SLC8A1: variants seen among roughly 807,000 people sequenced by gnomAD.
SLC8A1 encodes the protein sodium/calcium exchanger 1.
In SLC8A1, 18 loss-of-function variants were observed where a neutral mutation model predicts 68.3. The ratio of observed to expected loss-of-function variants is 0.26; its 90% CI spans 0.18 to 0.39. The LOEUF (loss-of-function observed/expected upper bound fraction) is 0.39. SLC8A1 is among the 10% of genes least tolerant of loss of function. SLC8A1 has a pLI of 1.00. For synonymous variants in SLC8A1, 475 were observed against 415.5 expected (o/e 1.14, Z -1.74); for missense variants, 985 against 1,156.7 (o/e 0.85, Z 2.15).
intron 2 of SLC8A1, among the ~76,000 whole-genome samples, chr2:40,180,789 T>A (rs1236185131): frequency 1.3e-5 from 2 of 152,136 alleles, no homozygotes; most frequent in Admixed American, 6.5e-5. Context: ...TAAAGCACAG[T>A]GGGGATGGTA....
chr2:40,362,791 T>G (rs1674981534), intron 2 of SLC8A1, among the ~76,000 whole-genome samples: 1 of 152,154 alleles, frequency 6.6e-6, no homozygotes, highest in Non-Finnish European at 1.5e-5. Context: ...TAAAACATTG[T>G]AAAAACTACA....
At chr2:40,395,330 T>C (rs1686578349) in intron 2 of SLC8A1, among the ~76,000 whole-genome samples, 2 of 152,176 alleles carry the variant, frequency 1.3e-5, no homozygotes, top group Admixed American at 6.5e-5. Context: ...AAATCTGATC[T>C]AGCCCTGCTA....
chr2:40,230,771 T>A (rs2059550033), intron 2 of SLC8A1, among the ~76,000 whole-genome samples: 1 of 152,188 alleles, frequency 6.6e-6, no homozygotes, highest in Non-Finnish European at 1.5e-5. Context: ...AAAATAAATG[T>A]ACTTTCATAA....
At chr2:40,419,089 G>C (rs1157484770) in intron 2 of SLC8A1, among the ~76,000 whole-genome samples, 1 of 152,192 alleles carries the variant, frequency 6.6e-6, no homozygotes, top group Non-Finnish European at 1.5e-5. Flanking sequence ...TAAAGCTTGA[G>C]GTTTTCTATG....
At position 40,428,448 on chromosome 2, in the gene SLC8A1, CACACAT is replaced by C. The variant is rs1415596049; in HGVS notation, c.1808+19_1808+24del. On this transcript the variant is annotated intron_variant, in intron 2 of 7. Transcript: ENST00000406785. ...CCACACACACACACACACACACACA[CACACAT>C]ATATAATATAGAACTTACACAATTT... 1.9e-5 allele frequency: 29 copies of C among 1,508,824 alleles called. No homozygotes were observed. The South Asian group carries it at 2.8e-4, about 15-fold the overall frequency. 93.5% of individuals were successfully genotyped at this position (1,508,824 alleles called of 1,614,324 possible).
At chr2:40,302,580 CAT>C (rs982221056) in intron 2 of SLC8A1, among the ~76,000 whole-genome samples, 7 of 147,206 alleles carry the variant, frequency 4.8e-5, no homozygotes, top group African/African-American at 1.8e-4. Flanking sequence ...ACATATATAT[CAT>C]ATATATACAT....
At chr2:40,121,981 T>G (rs1404375621) in intron 7 of SLC8A1, among the ~76,000 whole-genome samples, 2 of 152,136 alleles carry the variant, frequency 1.3e-5, no homozygotes, top group African/African-American at 4.8e-5. Flanking sequence ...AAGGTAGATA[T>G]CTTTACTTAA....
intron 2 of SLC8A1, among the ~76,000 whole-genome samples, chr2:40,360,092 T>C (rs973736556): frequency 6.6e-6 from 1 of 152,202 alleles, no homozygotes. Flanking sequence ...CCAAAAACCT[T>C]ACAAGGTCAT....
chr2:40,485,122 G>A lies in SLC8A1; in HGVS notation c.-25+27227C>T, dbSNP rs76271508. Among the ~76,000 whole-genome samples, 122 of 152,144 alleles carry A rather than the reference G, an allele frequency of 8.0e-4. No individual in the cohort carries two copies. The East Asian group carries it at 0.02, about 25-fold the overall frequency. On this transcript the variant is annotated intron_variant, in intron 1 of 7. Transcript: ENST00000402441. The stretch of plus-strand genomic sequence containing the variant: ...TCTGCTTGGATTAGCAAAAATAGAG[G>A]AGGAGGAGTAGAAGCAGGCAGGCAA...
intron 1 of SLC8A1, among the ~76,000 whole-genome samples, chr2:40,434,793 C>T (rs370210780): frequency 2.6e-4 from 40 of 152,264 alleles, no homozygotes; most frequent in African/African-American, 8.4e-4. Context: ...CCACAGATTA[C>T]AGACCCAAAT....
At chr2:40,203,040 G>A (rs1436071612) in intron 2 of SLC8A1, among the ~76,000 whole-genome samples, 7 of 151,990 alleles carry the variant, frequency 4.6e-5, no homozygotes, top group Admixed American at 2.0e-4. Flanking sequence ...AGCCCACTCA[G>A]ACAACAACAT....
In SLC8A1 at chr2:40,289,735, C is replaced by T. The variant is rs565069285; in HGVS notation, c.1809-111880G>A. Among the ~76,000 whole-genome samples, 131 of 151,890 alleles carry T rather than the reference C, an allele frequency of 8.6e-4. No homozygotes were observed. The South Asian group carries it at 0.01, about 12-fold the overall frequency. On this transcript the variant is annotated intron_variant, in intron 2 of 7. Transcript: ENST00000406785. ...GCTTGGTGGTGCTTGGTGGTGCATG[C>T]CTGTAATCCCAGCTACTCAGGAGGG...
At chr2:40,285,749 A>G (rs1335850467) in intron 2 of SLC8A1, among the ~76,000 whole-genome samples, 1 of 152,188 alleles carries the variant, frequency 6.6e-6, no homozygotes, top group African/African-American at 2.4e-5. Flanking sequence ...TTCACTAGTC[A>G]TTCATAATGT....
intron 2 of SLC8A1, among the ~76,000 whole-genome samples, chr2:40,352,743 T>C (rs1671487167): frequency 5.3e-5 from 8 of 152,152 alleles, no homozygotes; most frequent in Admixed American, 5.2e-4. Flanking sequence ...AGTAAAATGA[T>C]TTTTTTCCGA....
At chr2:40,420,745 T>G (rs1450715792) in intron 2 of SLC8A1, among the ~76,000 whole-genome samples, 1 of 152,138 alleles carries the variant, frequency 6.6e-6, no homozygotes, top group Non-Finnish European at 1.5e-5. Flanking sequence ...TCTGAGCAGC[T>G]TGAGCATGTG....
In SLC8A1 at chr2:40,395,264, C is replaced by T. The variant is rs1363422236; in HGVS notation, c.1808+33209G>A. On this transcript the variant is annotated intron_variant, in intron 2 of 7. Coordinates refer to ENST00000406785, the Ensembl canonical transcript of SLC8A1. ...TCATTTCTTTATCAAATAAAAAGTC[C>T]GGCCTGAGTCTCCTGACTGACTACA... Among the ~76,000 whole-genome samples, 4 of 152,076 alleles carry T rather than the reference C, an allele frequency of 2.6e-5. No individual in the cohort carries two copies. In the South Asian group the frequency reaches 6.2e-4, roughly 24 times the overall value.
chr2:40,105,449 G>A (rs1004895123), exon 8 of SLC8A1: 2 of 152,228 alleles, frequency 1.3e-5, no homozygotes, highest in Non-Finnish European at 2.9e-5. Context: ...TTCAAGCTCT[G>A]AAGAAGTATG....
intron 5 of SLC8A1, among the ~76,000 whole-genome samples, chr2:40,161,093 C>G (rs72792733): frequency 1.5e-3 from 222 of 152,292 alleles, no homozygotes; most frequent in Middle Eastern, 0.014. Flanking sequence ...GTCTCCTTCA[C>G]TGACTAATGA....
At chr2:40,199,918 A>C (rs2053805732) in intron 2 of SLC8A1, among the ~76,000 whole-genome samples, 1 of 151,184 alleles carries the variant, frequency 6.6e-6, no homozygotes, top group South Asian at 2.1e-4. Context: ...CCTGATAGAG[A>C]TTGACACAGA....
Sources: allele counts gnomAD v4.1 joint callset (sites outside exome capture counted in the v4.1 genomes callset), GRCh38; gene constraint gnomAD v4.1.1; transcripts MANE v1.5; gene names NCBI Gene and HGNC (gene_info 2026-07-23, HGNC 2026-07-21).